PHF21A: variants seen among roughly 807,000 people sequenced by gnomAD.
PHF21A encodes PHD finger protein 21A, also known as BHC80a.
PHF21A carries 11 observed loss-of-function variants against 82.5 expected under a neutral mutation model. The observed-to-expected ratio is 0.13, with a 90% CI of 0.08 to 0.22. PHF21A has a LOEUF of 0.22. Among genes scored for constraint, PHF21A ranks in the 10% least tolerant of loss-of-function variants. The pLI, the probability that PHF21A is intolerant of heterozygous loss-of-function variation, is 1.00. For synonymous variants in PHF21A, 297 were observed against 302.8 expected (o/e 0.98, Z 0.20); for missense variants, 579 against 837.8 (o/e 0.69, Z 3.81).
At chr11:45,988,608 G>A (rs2094573684) in intron 6 of PHF21A, among the ~76,000 whole-genome samples, 1 of 152,146 alleles carries the variant, frequency 6.6e-6, no homozygotes. Context: ...AAGCTGCTAG[G>A]CCAGGCGTGG....
At chr11:46,104,425 A>G (rs2097131889) in intron 1 of PHF21A, among the ~76,000 whole-genome samples, 1 of 152,216 alleles carries the variant, frequency 6.6e-6, no homozygotes, top group Admixed American at 6.5e-5. Context: ...AAAAGCTTAT[A>G]TCACTATGGG....
rs2095308331 is a variant in PHF21A, at chr11:46,006,929, G to C, written c.154-26963C>G. 3.9e-5 allele frequency among the ~76,000 whole-genome samples: 6 copies of C among 152,130 alleles called. 1 individual carries two copies. In the South Asian group the frequency reaches 1.2e-3, roughly 31 times the overall value. Reference sequence around the variant, plus strand: ...ATGCAAAGTCAAAGTCAGAACAACAGTCAGTAAAATTTAAAGATAACAATA... The same window carrying C: ...ATGCAAAGTCAAAGTCAGAACAACACTCAGTAAAATTTAAAGATAACAATA... On this transcript the variant is annotated intron_variant, in intron 6 of 18. Coordinates refer to ENST00000676320, the MANE Select transcript of PHF21A (RefSeq NM_001352027.3).
chr11:45,963,918 G>A (rs553059424), intron 10 of PHF21A, among the ~76,000 whole-genome samples: 1 of 152,160 alleles, frequency 6.6e-6, no homozygotes, highest in African/African-American at 2.4e-5. Flanking sequence ...TTATTTCTGG[G>A]CTGGGCGTGG....
At chr11:46,101,891 GCT>G (rs1481120376) in intron 1 of PHF21A, among the ~76,000 whole-genome samples, 1 of 145,674 alleles carries the variant, frequency 6.9e-6, no homozygotes, top group Non-Finnish European at 1.5e-5. Flanking sequence ...ACGGAGTCTC[GCT>G]CTGTCGCCAG....
At chr11:46,005,576 T>C (rs1286300760) in intron 6 of PHF21A, among the ~76,000 whole-genome samples, 1 of 152,184 alleles carries the variant, frequency 6.6e-6, no homozygotes, top group African/African-American at 2.4e-5. Flanking sequence ...CAAATGCCCC[T>C]GATTATTCTC....
At chr11:45,942,318 A>G (rs937849332) in intron 15 of PHF21A, among the ~76,000 whole-genome samples, 1 of 152,188 alleles carries the variant, frequency 6.6e-6, no homozygotes, top group Non-Finnish European at 1.5e-5. Flanking sequence ...ATCCCAATTG[A>G]CCCAAAAAAT....
At chr11:46,050,670 A>C (rs1412255513) in intron 6 of PHF21A, among the ~76,000 whole-genome samples, 1 of 152,230 alleles carries the variant, frequency 6.6e-6, no homozygotes, top group African/African-American at 2.4e-5. Flanking sequence ...CAAGATCCTG[A>C]AACTATAATT....
intron 6 of PHF21A, among the ~76,000 whole-genome samples, chr11:46,037,377 C>T (rs1341775051): frequency 6.6e-6 from 1 of 152,216 alleles, no homozygotes; most frequent in Non-Finnish European, 1.5e-5. Flanking sequence ...CACAGTGGCT[C>T]ATGCCTGTGA....
intron 16 of PHF21A, 122 bp from the exon 17 acceptor site, chr11:45,936,691 A>G: frequency 1.4e-6 from 1 of 705,682 alleles, no homozygotes; most frequent in Non-Finnish European, 2.5e-6. Flanking sequence ...TTATGGTAGC[A>G]GTGTTGCAAA....
intron 6 of PHF21A, among the ~76,000 whole-genome samples, chr11:46,051,808 A>T (rs1486448329): frequency 1.3e-5 from 2 of 152,198 alleles, no homozygotes; most frequent in Non-Finnish European, 2.9e-5. Flanking sequence ...AACAAAGGTG[A>T]TGGGGGTGGG....
intron 1 of PHF21A, among the ~76,000 whole-genome samples, chr11:46,097,065 C>T (rs907576096): frequency 2.0e-5 from 3 of 152,112 alleles, no homozygotes; most frequent in Non-Finnish European, 4.4e-5. Context: ...TCCACCATGA[C>T]CCCCTTGCCT....
At chr11:45,935,536 C>A in intron 18 of PHF21A, 100 bp downstream of exon 18, 1 of 768,400 alleles carries the variant, frequency 1.3e-6, no homozygotes, top group Non-Finnish European at 2.3e-6. Context: ...AACAGAAGGA[C>A]CCGAAACAGC....
chr11:46,074,458 CG>C (rs35144908), intron 6 of PHF21A, among the ~76,000 whole-genome samples: 3 of 127,044 alleles, frequency 2.4e-5, no homozygotes, highest in South Asian at 2.8e-4. Context: ...GCTCTTTTGG[CG>C]GGAGGGGGGA....
intron 1 of PHF21A, among the ~76,000 whole-genome samples, chr11:46,113,617 C>A (rs1466204118): frequency 6.6e-6 from 1 of 152,008 alleles, no homozygotes; most frequent in Non-Finnish European, 1.5e-5. Context: ...ATTACGAGAT[C>A]AAGAGATCGA....
intron 1 of PHF21A, among the ~76,000 whole-genome samples, chr11:46,100,573 TTAAG>T (rs538463071): frequency 8.5e-5 from 13 of 152,222 alleles, no homozygotes; most frequent in Non-Finnish European, 1.3e-4. Context: ...AAAGGTCCTG[TTAAG>T]TAAGTATACT....
chr11:45,975,504 A>G (rs1000536182), intron 7 of PHF21A, among the ~76,000 whole-genome samples: 1 of 152,138 alleles, frequency 6.6e-6, no homozygotes, highest in Non-Finnish European at 1.5e-5. Flanking sequence ...TTTTGAATGC[A>G]GTCATGATGT....
intron 6 of PHF21A, among the ~76,000 whole-genome samples, chr11:46,070,576 C>G (rs1018953923): frequency 1.3e-5 from 2 of 152,168 alleles, no homozygotes; most frequent in African/African-American, 2.4e-5. Flanking sequence ...GGTGATCTGC[C>G]TACCTTGGCC....
chr11:46,012,048 C>A (rs2137414990), intron 6 of PHF21A, among the ~76,000 whole-genome samples: 1 of 152,296 alleles, frequency 6.6e-6, no homozygotes, highest in African/African-American at 2.4e-5. Context: ...CTCCCTCACA[C>A]TAGACCCCTT....
At chr11:45,984,194 C>T (rs953417957) in intron 6 of PHF21A, among the ~76,000 whole-genome samples, 2 of 152,074 alleles carry the variant, frequency 1.3e-5, no homozygotes, top group Non-Finnish European at 2.9e-5. Flanking sequence ...CTGGAAAGAA[C>T]AAAGACGGAA....
Sources: gnomAD v4.1 joint callset for allele counts (sites outside exome capture counted in the v4.1 genomes callset) on GRCh38, gnomAD v4.1.1 for gene constraint, MANE v1.5 for transcripts, NCBI Gene and HGNC (gene_info 2026-07-23, HGNC 2026-07-21) for gene names.